The following EIF2D variants were observed in gnomAD, a reference collection of about 807,000 sequenced individuals.
EIF2D encodes hepatocellular carcinoma-associated antigen 56.
In EIF2D, 56 loss-of-function variants were observed where a neutral mutation model predicts 77.4. The ratio of observed to expected loss-of-function variants is 0.72; its 90% CI spans 0.58 to 0.90. The LOEUF (loss-of-function observed/expected upper bound fraction) is 0.90, where lower values mean the gene tolerates loss of function less well. EIF2D is among the 40% of genes least tolerant of loss of function. The pLI is 0.00. For missense variants in EIF2D, 574 were observed against 706.5 expected, an observed-to-expected ratio of 0.81 and a Z score of 2.13; for synonymous variants, 230 against 271.0, an observed-to-expected ratio of 0.85 and a Z score of 1.49.
At chr1:206,589,412 G>C (rs560699097), downstream of EIF2D, 1 of 152,416 alleles carries the variant, frequency 6.6e-6, no homozygotes, top group Non-Finnish European at 1.5e-5. Flanking sequence ...GAGAAATGAA[G>C]GCTACTGTTC....
At chr1:206,591,893 C>T in intron 14 of EIF2D, 48 bp from the exon 15 acceptor site, 3 of 1,595,220 alleles carry the variant, frequency 1.9e-6, no homozygotes, top group East Asian at 2.2e-5. Context: ...GACCTTGCTC[C>T]CCGGCTGGCC....
At chr1:206,589,643 A>AAAAT (rs201003953), downstream of EIF2D, among the ~76,000 whole-genome samples, 4,581 of 152,288 alleles carry the variant, frequency 0.03, 101 homozygotes, top group Admixed American at 0.045. Flanking sequence ...GAATTATTTA[A>AAAAT]AAATAAGGTA....
downstream of EIF2D, among the ~76,000 whole-genome samples, chr1:206,590,622 A>T (rs180978427): frequency 3.7e-4 from 57 of 152,246 alleles, 2 homozygotes; most frequent in East Asian, 0.01. Flanking sequence ...TAAGGAGTTT[A>T]CTCATGAGTA....
At chr1:206,604,399 C>A (rs541060811) in intron 5 of EIF2D, among the ~76,000 whole-genome samples, 5 of 151,110 alleles carry the variant, frequency 3.3e-5, no homozygotes, top group South Asian at 2.1e-4. Flanking sequence ...GCTGAGATTG[C>A]GCCACTGCAC....
intron 11 of EIF2D, 75 bp from the exon 12 acceptor site, chr1:206,597,270 C>T: frequency 9.1e-7 from 1 of 1,101,044 alleles, no homozygotes. Context: ...CAGGATTCAT[C>T]TCTCGTACGG....
chr1:206,609,748 C>T (rs982406377), intron 2 of EIF2D, among the ~76,000 whole-genome samples: 8 of 152,164 alleles, frequency 5.3e-5, no homozygotes, highest in African/African-American at 1.9e-4. Context: ...CTTTTATTTA[C>T]GGCTTCAGAA....
chr1:206,585,703 C>T (rs1383805694), intron 2 of EIF2D: 3 of 162,100 alleles, frequency 1.9e-5, no homozygotes, highest in Admixed American at 6.1e-5. Context: ...CTTTTCTTGA[C>T]CTCCATCCCC....
At chr1:206,589,971 G>T (rs1304583696), downstream of EIF2D, among the ~76,000 whole-genome samples, 2 of 152,150 alleles carry the variant, frequency 1.3e-5, no homozygotes, top group African/African-American at 4.8e-5. Context: ...ATCTTTCAAT[G>T]ATTTTGCCAA....
At chr1:206,593,466 G>GGAGAGAGAGA (rs781913118) in intron 14 of EIF2D, among the ~76,000 whole-genome samples, 153 bp downstream of exon 14, 1 of 100,656 alleles carries the variant, frequency 9.9e-6, no homozygotes, top group African/African-American at 5.2e-5. Context: ...AAAACTAAAT[G>GGAGAGAGAGA]GAGAGAGAGA....
chr1:206,610,443 C>T (rs1670413811), intron 2 of EIF2D, among the ~76,000 whole-genome samples: 1 of 152,080 alleles, frequency 6.6e-6, no homozygotes, highest in Non-Finnish European at 1.5e-5. Flanking sequence ...CCCTTAAGCA[C>T]AGGAGGTTGA....
chr1:206,577,552 T>C (rs1303772304), intron 4 of EIF2D, among the ~76,000 whole-genome samples: 2 of 152,208 alleles, frequency 1.3e-5, no homozygotes, highest in East Asian at 1.9e-4. Context: ...CTCAAGATCA[T>C]GTAGTTAGTC....
In EIF2D at chr1:206,579,256, T is replaced by C. The variant is rs191837580; in HGVS notation, c.*254+1436A>G. Among the ~76,000 whole-genome samples, 252 of 152,356 alleles carry C rather than the reference T, an allele frequency of 1.7e-3. No homozygotes were observed. The highest frequency in any genetic ancestry group is 3.9e-3 in the African/African-American group (162 of 41,584). ...CGGAATAGATGAATTCCATGCCAGA[T>C]GCACTGAGATGTGTGAGCCCCCAGG... On this transcript the variant is annotated intron_variant and NMD_transcript_variant, in intron 4 of 5. Transcript: ENST00000472709. The surrounding 1 kb of genome is among the most constrained non-coding windows in gnomAD (Gnocchi z 4.2).
chr1:206,588,109 G>GCC (rs1669197705), downstream of EIF2D: 1 of 152,806 alleles, frequency 6.5e-6, no homozygotes, highest in Non-Finnish European at 1.5e-5. Flanking sequence ...GGTGGGCCTG[G>GCC]CCTCCCCGTC....
intron 11 of EIF2D, 47 bp from the exon 12 acceptor site, chr1:206,597,242 C>T: frequency 6.9e-7 from 1 of 1,453,304 alleles, no homozygotes; most frequent in South Asian, 1.2e-5. Context: ...CTTGTCCCTT[C>T]TGACCTGAAG....
rs782206827 is a variant in EIF2D at position 206,600,298 on chromosome 1, G to T, written c.913C>A (p.Arg305=). 1 of 1,613,922 alleles carries T rather than the reference G, an allele frequency of 6.2e-7. No homozygotes were observed. Among genetic ancestry groups the T allele is most frequent in the East Asian group, 2.2e-5 (1 of 44,858 alleles). The change falls in exon 8 of 15, where the codon CGA becomes AGA. Residue 305 remains arginine, a synonymous_variant. Transcript: ENST00000271764. Reference sequence around the variant, plus strand: ...CTTGACTTCTTTATGTCCAGTTGTCGTCCTTCGGGGCTGATGGCAGATGGA... The same window carrying T: ...CTTGACTTCTTTATGTCCAGTTGTCTTCCTTCGGGGCTGATGGCAGATGGA... The part of the protein sequence containing the change: ...SHMFSCCPEG[R]QLDIKKSSYK...
At chr1:206,603,445 C>T (rs1348331914) in intron 5 of EIF2D, 1 of 493,742 alleles carries the variant, frequency 2.0e-6, no homozygotes, top group African/African-American at 1.9e-5. Context: ...TCCTCCCTAT[C>T]CCAAAAGAAT....
In EIF2D at chr1:206,592,279, A is replaced by G. The variant is rs967574971; in HGVS notation, c.1685-434T>C. ...AAAAGGCAAGGTTTCTGGCTCATGC[A>G]GCTCAGTCTGGCAGGAGGTTCAGAC... On this transcript the variant is annotated intron_variant, in intron 14 of 14. Coordinates refer to ENST00000271764, the MANE Select transcript of EIF2D (RefSeq NM_006893.3). The surrounding 1 kb of genome is among the most constrained non-coding windows in gnomAD (Gnocchi z 4.7). Among the ~76,000 whole-genome samples, 5 of 152,284 alleles carry G rather than the reference A, an allele frequency of 3.3e-5. No homozygotes were observed. In the South Asian group the frequency reaches 1.0e-3, roughly 31 times the overall value.
Position 206,605,395 on chromosome 1 carries a change from C to T in EIF2D, c.530+5G>A. On this transcript the variant is annotated splice_donor_5th_base_variant and intron_variant, in intron 5 of 14. Transcript: ENST00000271764. ...TCTGTAAAACAGAAGAAACTCTGTA[C>T]CCACCACAAGTGGTCCTGGTAAGTG... 1.9e-6 allele frequency: 3 copies of T among 1,611,940 alleles called. No homozygotes were observed. Among genetic ancestry groups the T allele is most frequent in the Non-Finnish European group, 2.5e-6 (3 of 1,178,204 alleles).
rs976530592 is a variant in EIF2D, at chr1:206,599,496, C to G, written c.1169G>C (p.Ser390Thr). The G allele has an allele frequency of 6.2e-7, 1 of 1,613,914 alleles. No homozygotes were observed. The highest frequency in any genetic ancestry group is 2.2e-5 in the East Asian group (1 of 44,880). ...AGACTCCTGGAAGAGCAGGGTCATG[C>G]TGGCTGGGACACAGTAGAGGGGTTT... ...DIKPLYCVPA[S>T]MTLLFQESGH... is the part of the protein sequence containing the mutation. The change falls in exon 10 of 15, where the codon AGC becomes ACC. Residue 390 changes from serine to threonine, a missense_variant. Ser to Thr is a moderately conservative substitution (Grantham distance 58, BLOSUM62 1). Coordinates refer to ENST00000271764, the MANE Select transcript of EIF2D (RefSeq NM_006893.3). This position sits in a 1 kb window ranked among gnomAD's most constrained non-coding sequence, Gnocchi z 4.1.
Sources: gnomAD v4.1 joint callset for allele counts (sites outside exome capture counted in the v4.1 genomes callset) on GRCh38, gnomAD v4.1.1 for gene constraint, Gnocchi (gnomAD v3.1) non-coding constraint, MANE v1.5 for transcripts, NCBI Gene and HGNC (gene_info 2026-07-23, HGNC 2026-07-21) for gene names.